Variants in CACNB2 observed in about 807,000 individuals in gnomAD.
CACNB2 encodes the protein voltage-dependent L-type calcium channel subunit beta-2.
A neutral mutation model predicts 73.3 loss-of-function variants in CACNB2; 42 were observed. The ratio of observed to expected loss-of-function variants is 0.57; its 90% CI spans 0.45 to 0.74. The LOEUF (loss-of-function observed/expected upper bound fraction) is 0.74, where lower values mean the gene tolerates loss of function less well. Ranked by LOEUF, CACNB2 falls within the 30% of genes least tolerant of loss-of-function variation. The pLI is 0.00. For missense variants in CACNB2, 940 were observed against 853.0 expected, an observed-to-expected ratio of 1.10 and a Z score of -1.27; for synonymous variants, 348 against 310.3, an observed-to-expected ratio of 1.12 and a Z score of -1.28.
intron 2 of CACNB2, among the ~76,000 whole-genome samples, chr10:18,364,617 T>G (rs1394784188): frequency 2.0e-5 from 3 of 152,168 alleles, no homozygotes; most frequent in African/African-American, 7.2e-5. Context: ...TTTAATTTTT[T>G]TCTTCTGGTC....
chr10:18,302,633 G>C (rs1419251), intron 2 of CACNB2, among the ~76,000 whole-genome samples: 102,823 of 152,010 alleles, frequency 0.68, 35,502 homozygotes, highest in Admixed American at 0.74. Context: ...GTTCTCAACC[G>C]TAAGTGGCAG....
intron 2 of CACNB2, among the ~76,000 whole-genome samples, chr10:18,351,623 G>C (rs1272452635): frequency 6.6e-6 from 1 of 152,184 alleles, no homozygotes; most frequent in Non-Finnish European, 1.5e-5. Flanking sequence ...TACAAGCCGA[G>C]AGAAATAATT....
intron 3 of CACNB2, among the ~76,000 whole-genome samples, chr10:18,402,258 A>G (rs908938824): frequency 1.3e-5 from 2 of 152,158 alleles, no homozygotes; most frequent in Non-Finnish European, 2.9e-5. Flanking sequence ...TTATAATCCA[A>G]GCAACTCTTT....
chr10:18,165,559 T>C (rs982867827), intron 2 of CACNB2, among the ~76,000 whole-genome samples: 1 of 152,198 alleles, frequency 6.6e-6, no homozygotes, highest in Non-Finnish European at 1.5e-5. Flanking sequence ...ACTCCAGGCG[T>C]ATGTCACCAT....
chr10:18,269,286 G>A (rs564852972), intron 2 of CACNB2, among the ~76,000 whole-genome samples: 51 of 152,108 alleles, frequency 3.4e-4, no homozygotes, highest in Non-Finnish European at 6.0e-4. Flanking sequence ...ACTCATGATG[G>A]TCACATGGTC....
intron 5 of CACNB2, among the ~76,000 whole-genome samples, chr10:18,501,237 AT>A (rs2050177038): frequency 6.6e-6 from 1 of 152,240 alleles, no homozygotes; most frequent in East Asian, 1.9e-4. Context: ...TGAAACCTTA[AT>A]CATTTACTGA....
At chr10:18,461,927 A>T (rs2047602923) in intron 3 of CACNB2, among the ~76,000 whole-genome samples, 1 of 151,990 alleles carries the variant, frequency 6.6e-6, no homozygotes, top group South Asian at 2.1e-4. Context: ...GCATCTGCAA[A>T]CTTTCCTGGA....
chr10:18,287,139 G>A (rs751666656), intron 2 of CACNB2, among the ~76,000 whole-genome samples: 2 of 151,970 alleles, frequency 1.3e-5, no homozygotes, highest in Non-Finnish European at 2.9e-5. Context: ...GACCGGCCTA[G>A]CCAACATAGT....
chr10:18,291,447 A>G (rs567127698), intron 2 of CACNB2, among the ~76,000 whole-genome samples: 2 of 152,310 alleles, frequency 1.3e-5, no homozygotes, highest in African/African-American at 4.8e-5. Flanking sequence ...GGACTACTCC[A>G]CTTCGGATGT....
intron 2 of CACNB2, among the ~76,000 whole-genome samples, chr10:18,268,452 G>T (rs961350522): frequency 1.3e-5 from 2 of 152,150 alleles, no homozygotes; most frequent in African/African-American, 2.4e-5. Flanking sequence ...AAGAGAAAAG[G>T]CTAGATTTGT....
chr10:18,157,728 A>G (rs1564302848), intron 2 of CACNB2, among the ~76,000 whole-genome samples: 2 of 152,196 alleles, frequency 1.3e-5, no homozygotes. Flanking sequence ...TGGTTATGCT[A>G]TACTTCCTTG....
chr10:18,373,077 C>A (rs10741042), intron 2 of CACNB2, among the ~76,000 whole-genome samples: 35,263 of 151,896 alleles, frequency 0.23, 4,655 homozygotes, highest in East Asian at 0.67. Context: ...TGGCCTCCCA[C>A]AGTGCTAGGA....
chr10:18,178,120 G>T (rs1039829037), intron 2 of CACNB2, among the ~76,000 whole-genome samples: 1 of 152,106 alleles, frequency 6.6e-6, no homozygotes, highest in Non-Finnish European at 1.5e-5. Context: ...TTTTCTTGGC[G>T]GTTGCTACTG....
intron 2 of CACNB2, among the ~76,000 whole-genome samples, chr10:18,222,496 T>G (rs1297711811): frequency 1.3e-5 from 2 of 152,150 alleles, no homozygotes; most frequent in African/African-American, 4.8e-5. Context: ...AAAGAGTTAC[T>G]ATTTTTTGTT....
At position 18,223,510 on chromosome 10, in the gene CACNB2, A is replaced by G. The variant is rs1166825451; in HGVS notation, c.213+72535A>G. 5.3e-5 allele frequency among the ~76,000 whole-genome samples: 8 copies of G among 152,312 alleles called. No homozygotes were observed. The East Asian group carries it at 1.5e-3, about 29-fold the overall frequency. ...GTATTTTACACGATTTTCAGGAGCA[A>G]TCGTTATAGTAAAAATGTAGTAGTT... On this transcript the variant is annotated intron_variant, in intron 2 of 13. Transcript: ENST00000324631.
chr10:18,188,527 A>T (rs929975456), intron 2 of CACNB2, among the ~76,000 whole-genome samples: 2 of 151,402 alleles, frequency 1.3e-5, no homozygotes, highest in Non-Finnish European at 2.9e-5. Flanking sequence ...CTGCTCTGGA[A>T]CTCCTGGGCT....
At chr10:18,448,479 T>TAAAAAAAA (rs56255761) in intron 3 of CACNB2, among the ~76,000 whole-genome samples, 2 of 107,062 alleles carry the variant, frequency 1.9e-5, no homozygotes, top group Non-Finnish European at 3.7e-5. Flanking sequence ...CTCTCTCATT[T>TAAAAAAAA]AAAAAAAAAA....
At position 18,533,564 on chromosome 10, in the gene CACNB2, G is replaced by GTTTCT. The variant is rs1435850179; in HGVS notation, c.1055-509_1055-505dup. On this transcript the variant is annotated intron_variant, in intron 10 of 13. Coordinates refer to ENST00000324631, the MANE Select transcript of CACNB2 (RefSeq NM_201596.3). ...AAATATGAGGTGTGTTTTTGGATAA[G>GTTTCT]TTTCTTTCTGGTGCCATTCACGTCT... Among the ~76,000 whole-genome samples, 3 of 152,232 alleles carry GTTTCT rather than the reference G, an allele frequency of 2.0e-5. No individual in the cohort carries two copies. The East Asian group carries it at 5.8e-4, about 29-fold the overall frequency.
At chr10:18,380,948 T>C (rs2042990814) in intron 2 of CACNB2, among the ~76,000 whole-genome samples, 1 of 152,098 alleles carries the variant, frequency 6.6e-6, no homozygotes, top group East Asian at 1.9e-4. Context: ...TTAATTAGCA[T>C]ATTTCCCCTA....
Sources: gnomAD v4.1 joint callset for allele counts (sites outside exome capture counted in the v4.1 genomes callset) on GRCh38, gnomAD v4.1.1 for gene constraint, MANE v1.5 for transcripts, NCBI Gene and HGNC (gene_info 2026-07-23, HGNC 2026-07-21) for gene names.